The following FAP variants were observed in gnomAD, a reference collection of about 807,000 sequenced individuals.
FAP encodes the protein fibroblast activation protein alpha, also known as prolyl endopeptidase FAP.
Under a neutral mutation model 126.5 loss-of-function variants are expected in FAP, and 110 were observed. That is an observed-to-expected ratio of 0.87 (90% CI 0.74 to 1.02). FAP has a LOEUF of 1.02. FAP is among the 50% of genes least tolerant of loss of function. The probability of loss-of-function intolerance (pLI) is 0.00; values close to 1 mark genes in which losing one functional copy is unlikely to be tolerated. For missense variants in FAP, 919 were observed against 909.2 expected (o/e 1.01, Z -0.14); for synonymous variants, 334 against 297.3 (o/e 1.12, Z -1.27).
rs759515071 is a variant in FAP at position 162,189,116 on chromosome 2, AGG to A, written c.1604_1605del (p.Pro535LeufsTer21). 1 of 1,597,822 alleles carries A rather than the reference AGG, an allele frequency of 6.3e-7. No individual in the cohort carries two copies. The highest frequency in any genetic ancestry group is 1.1e-5 in the South Asian group (1 of 89,332). On this transcript the variant is annotated frameshift_variant, in exon 19 of 26. Transcript: ENST00000188790. LOFTEE classifies it high-confidence loss of function. ...PPQFDRSKKY[P>X]LLIQVYGGPC... is the part of the protein sequence containing the mutation. ...AATATTACATACACTTGAATTAGCA[AGG>A]GATACTTCTTTGATCTGTCAAATTG...
chr2:162,198,441 G>T, intron 16 of FAP: 1 of 987,166 alleles, frequency 1.0e-6, no homozygotes, highest in Non-Finnish European at 1.4e-6. Context: ...CAGTCTTAGT[G>T]CTGTGGAATG....
In FAP at chr2:162,189,122, A is replaced by G. The variant is rs1464900996; in HGVS notation, c.1600T>C (p.Tyr534His). ...LPPQFDRSKK[Y>H]PLLIQVYGGP... ...ACATACACTTGAATTAGCAAGGGATACTTCTTTGATCTGTCAAATTGAGGA... is the reference window on the plus strand; with the variant it reads ...ACATACACTTGAATTAGCAAGGGATGCTTCTTTGATCTGTCAAATTGAGGA... Residue 534 changes from tyrosine (Y) to histidine (H), a missense_variant, in exon 19 of 26, where the codon TAT (tyrosine) becomes CAT (histidine). Coordinates refer to ENST00000188790, the MANE Select transcript of FAP (RefSeq NM_004460.5). 1 of 1,600,400 alleles carries G rather than the reference A, an allele frequency of 6.2e-7. No homozygotes were observed.
At position 162,189,560 on chromosome 2, in the gene FAP, A is replaced by C. The variant is rs899173188; in HGVS notation, c.1549+96T>G. ...AAATCCTGTAATATTAATAGATCGC[A>C]GAATTTGCACTGTAACATTCACTCT... On this transcript the variant is annotated intron_variant, in intron 18 of 25. Coordinates refer to ENST00000188790, the MANE Select transcript of FAP (RefSeq NM_004460.5). The C allele has an allele frequency of 7.5e-6, 5 of 666,148 alleles. No individual in the cohort carries two copies. In the African/African-American group the frequency reaches 7.5e-5, roughly 10 times the overall value. 41.3% of individuals were successfully genotyped at this position (666,148 alleles called of 1,614,324 possible). A position where few individuals can be genotyped will look rare whatever the true frequency, so the allele number is the denominator to read the frequency against.
chr2:162,217,447 T>C (rs1689196737), intron 9 of FAP, among the ~76,000 whole-genome samples: 1 of 152,208 alleles, frequency 6.6e-6, no homozygotes, highest in African/African-American at 2.4e-5. Flanking sequence ...AAAAAGAATG[T>C]ATAACAACTC....
At chr2:162,224,404 TAAACCACC>T in intron 5 of FAP, 54 bp downstream of exon 5, 2 of 1,016,192 alleles carry the variant, frequency 2.0e-6, no homozygotes, top group African/African-American at 1.6e-5. Flanking sequence ...TCACTTTTTT[TAAACCACC>T]TTGTGGATTA....
At chr2:162,195,849 A>T (rs950570488) in intron 16 of FAP, among the ~76,000 whole-genome samples, 6 of 152,050 alleles carry the variant, frequency 3.9e-5, no homozygotes, top group African/African-American at 1.4e-4. Flanking sequence ...GTACATGTTC[A>T]TTTGCCACCC....
At chr2:162,217,374 C>A (rs1240898403) in intron 9 of FAP, among the ~76,000 whole-genome samples, 1 of 152,214 alleles carries the variant, frequency 6.6e-6, no homozygotes, top group Non-Finnish European at 1.5e-5. Context: ...TGCTTCTTCA[C>A]TGAGACCTGA....
At chr2:162,235,251 G>C (rs1690077600) in intron 2 of FAP, among the ~76,000 whole-genome samples, 1 of 151,274 alleles carries the variant, frequency 6.6e-6, no homozygotes, top group South Asian at 2.1e-4. Context: ...ACTTCCCCCT[G>C]CTCCACAGTG....
At chr2:162,201,754 T>C (rs1688505658) in intron 14 of FAP, among the ~76,000 whole-genome samples, 1 of 152,164 alleles carries the variant, frequency 6.6e-6, no homozygotes, top group African/African-American at 2.4e-5. Context: ...CTGTGCTAAG[T>C]GCTAAGGACG....
intron 21 of FAP, among the ~76,000 whole-genome samples, chr2:162,179,809 T>G (rs1013945780): frequency 7.4e-6 from 1 of 134,734 alleles, no homozygotes; most frequent in African/African-American, 2.8e-5. Context: ...TATATATATA[T>G]ATATTTTTTT....
rs1687279664 is a variant in FAP at position 162,170,866 on chromosome 2, AATTT to A, written c.*109_*112del. 1 of 745,134 alleles carries A rather than the reference AATTT, an allele frequency of 1.3e-6. No individual in the cohort carries two copies. Among genetic ancestry groups the A allele is most frequent in the East Asian group, 2.6e-5 (1 of 38,572 alleles). The allele number at this position is 745,134 out of a possible 1,614,324, so 46.2% of individuals were successfully genotyped here. ...TTTTAACAGCCTTTAGAACAACATT[AATTT>A]GTTTGTTTATACTAGCATTTTACAA... is the stretch of plus-strand genomic sequence containing the variant. On this transcript the variant is annotated 3_prime_UTR_variant, in exon 26 of 26. Coordinates refer to ENST00000188790, the MANE Select transcript of FAP (RefSeq NM_004460.5).
rs758328886 is a variant in FAP at position 162,189,097 on chromosome 2, A to G, written c.1619+6T>C. 14 of 1,553,560 alleles carry G rather than the reference A, an allele frequency of 9.0e-6. No homozygotes were observed. In the East Asian group the frequency reaches 3.2e-4, roughly 35 times the overall value. On this transcript the variant is annotated splice_donor_region_variant and intron_variant, in intron 19 of 25. Transcript: ENST00000188790. ...TAGTTTTTACACCAAAGAAAATATT[A>G]CATACACTTGAATTAGCAAGGGATA...
rs116468746 is a variant in FAP at position 162,186,818 on chromosome 2, G to A, written c.1814+1351C>T. Among the ~76,000 whole-genome samples, 134 of 151,702 alleles carry A rather than the reference G, an allele frequency of 8.8e-4. 1 individual carries two copies. The highest frequency in any genetic ancestry group is 3.1e-3 in the African/African-American group (130 of 41,488). On this transcript the variant is annotated intron_variant, in intron 20 of 25. Transcript: ENST00000188790. ...GGAATTAAGCTATAATTCTGAGGAT[G>A]GCGTTAATATTCTCATTAAGGCACA...
chr2:162,191,172 T>G (rs1326802076), intron 17 of FAP, among the ~76,000 whole-genome samples: 4 of 152,102 alleles, frequency 2.6e-5, no homozygotes, highest in Admixed American at 1.3e-4. Context: ...TTGTATTATT[T>G]TACCACAAGC....
At chr2:162,215,470 T>G (rs578037071) in intron 10 of FAP, among the ~76,000 whole-genome samples, 2 of 152,328 alleles carry the variant, frequency 1.3e-5, no homozygotes, top group Admixed American at 1.3e-4. Context: ...ACCAGATAAA[T>G]GAGAATAGCC....
chr2:162,223,852 G>T (rs534358126), intron 5 of FAP, among the ~76,000 whole-genome samples, 192 bp from the exon 6 acceptor site: 2 of 152,100 alleles, frequency 1.3e-5, no homozygotes, highest in South Asian at 2.1e-4. Flanking sequence ...CTTTTGTGCC[G>T]TTTGTGCAAG....
chr2:162,196,449 C>T (rs918526258), intron 16 of FAP, among the ~76,000 whole-genome samples: 1 of 151,218 alleles, frequency 6.6e-6, no homozygotes, highest in African/African-American at 2.4e-5. Flanking sequence ...TTTCTAGACT[C>T]TAATCAACCA....
chr2:162,221,766 A>G (rs1689412452), intron 6 of FAP: 1 of 456,378 alleles, frequency 2.2e-6, no homozygotes, highest in Non-Finnish European at 4.4e-6. Flanking sequence ...ATGCTTTACA[A>G]AGGCGTTCAT....
At chr2:162,221,503 C>A (rs1419584052) in intron 6 of FAP, 2 of 351,444 alleles carry the variant, frequency 5.7e-6, no homozygotes, top group Non-Finnish European at 1.1e-5. Flanking sequence ...CCAGCTTGGG[C>A]GACAGAACGA....
Sources: allele counts gnomAD v4.1 joint callset (sites outside exome capture counted in the v4.1 genomes callset), GRCh38; gene constraint gnomAD v4.1.1; transcripts MANE v1.5; gene names NCBI Gene and HGNC (gene_info 2026-07-23, HGNC 2026-07-21).